Variants in ALK observed in about 807,000 individuals in gnomAD.
ALK encodes ALK receptor tyrosine kinase, also known as ALK tyrosine kinase receptor.
Under a neutral mutation model 163.1 loss-of-function variants are expected in ALK, and 74 were observed. That is an observed-to-expected ratio of 0.45 (90% CI 0.38 to 0.55). The LOEUF is 0.55. Ranked by LOEUF, ALK falls within the 20% of genes least tolerant of loss-of-function variation. ALK has a pLI of 0.00. For synonymous variants in ALK, 960 were observed against 843.2 expected, an observed-to-expected ratio of 1.14 and a Z score of -2.40; for missense variants, 2,063 against 2,105.3, an observed-to-expected ratio of 0.98 and a Z score of 0.39.
At chr2:29,603,288 G>A (rs1675430513) in intron 3 of ALK, among the ~76,000 whole-genome samples, 1 of 152,112 alleles carries the variant, frequency 6.6e-6, no homozygotes, top group African/African-American at 2.4e-5. Context: ...CAGGGAAGGG[G>A]ATTCTCTACC....
chr2:29,203,835 T>C (rs1669247708), intron 26 of ALK, among the ~76,000 whole-genome samples: 1 of 152,064 alleles, frequency 6.6e-6, no homozygotes, highest in Non-Finnish European at 1.5e-5. Flanking sequence ...AATTCTTTCA[T>C]TCTGGAAATT....
chr2:29,364,328 T>C (rs974797753), intron 5 of ALK, among the ~76,000 whole-genome samples: 3 of 151,992 alleles, frequency 2.0e-5, no homozygotes, highest in Admixed American at 6.6e-5. Context: ...GTATGGTGAG[T>C]TGCTATGGTG....
chr2:29,586,382 G>A (rs536750542), intron 3 of ALK, among the ~76,000 whole-genome samples: 18 of 151,872 alleles, frequency 1.2e-4, no homozygotes, highest in African/African-American at 2.2e-4. Flanking sequence ...TAATCATCTC[G>A]ACAGATTTGT....
intron 15 of ALK, among the ~76,000 whole-genome samples, chr2:29,230,384 C>A: frequency 6.6e-6 from 1 of 151,260 alleles, no homozygotes; most frequent in Admixed American, 6.6e-5. Flanking sequence ...ATTCTAAAAA[C>A]CCTAAAACCC....
intron 1 of ALK, among the ~76,000 whole-genome samples, chr2:29,914,102 G>C (rs1480638050): frequency 6.6e-6 from 1 of 152,160 alleles, no homozygotes; most frequent in African/African-American, 2.4e-5. Flanking sequence ...ACTGGATTGC[G>C]AATATGCTGG....
intron 5 of ALK, among the ~76,000 whole-genome samples, chr2:29,379,793 A>G (rs1668850111): frequency 6.6e-6 from 1 of 152,238 alleles, no homozygotes; most frequent in Admixed American, 6.5e-5. Flanking sequence ...CCAAAATTCA[A>G]GTCTGCGTAT....
intron 1 of ALK, among the ~76,000 whole-genome samples, chr2:29,895,986 T>G (rs534259885): frequency 1.3e-5 from 2 of 152,286 alleles, no homozygotes; most frequent in African/African-American, 4.8e-5. Flanking sequence ...GCTCTCTCCA[T>G]CCTGAAGTAA....
At chr2:29,209,956 C>A in intron 24 of ALK, 78 bp from the exon 25 acceptor site, 1 of 1,160,424 alleles carries the variant, frequency 8.6e-7, no homozygotes, top group Non-Finnish European at 1.3e-6. Flanking sequence ...AGGATTTTAT[C>A]TCCAAGCTGA....
chr2:29,861,952 C>T (rs1017920685), intron 1 of ALK, among the ~76,000 whole-genome samples: 8 of 152,028 alleles, frequency 5.3e-5, no homozygotes, highest in Non-Finnish European at 1.0e-4. Context: ...ATTAATCCCT[C>T]GGATGCAAGG....
In ALK at chr2:29,776,225, T is replaced by TAAA. The variant is rs58918857; in HGVS notation, c.668-58531_668-58529dup. Among the ~76,000 whole-genome samples, 173 of 131,156 alleles carry TAAA rather than the reference T, an allele frequency of 1.3e-3. 1 individual carries two copies. Among genetic ancestry groups the TAAA allele is most frequent in the African/African-American group, 4.8e-3 (162 of 33,574 alleles). The allele number at this position is 131,156 out of a possible 152,430, so 86.0% of individuals were successfully genotyped here. ...CTAAGAAAATGCAATGGAATTTTGT[T>TAAA]AAAAAAAAAAAAAAAAAAAAAAAAA... On this transcript the variant is annotated intron_variant, in intron 1 of 28. Transcript: ENST00000389048.
At chr2:29,672,169 C>CT (rs577253254) in intron 3 of ALK, among the ~76,000 whole-genome samples, 1,387 of 123,822 alleles carry the variant, frequency 0.011, 17 homozygotes, top group South Asian at 0.058. Context: ...GTGGCTTCTG[C>CT]TTTTTTTTTT....
chr2:29,297,194 C>T (rs1666214137), intron 8 of ALK, 137 bp from the exon 9 acceptor site: 4 of 860,056 alleles, frequency 4.7e-6, no homozygotes, highest in Non-Finnish European at 7.6e-6. Context: ...GGATGCCCAC[C>T]ACCTGTCTCA....
chr2:29,712,595 T>G (rs1313205565), intron 2 of ALK, among the ~76,000 whole-genome samples: 1 of 151,674 alleles, frequency 6.6e-6, no homozygotes, highest in East Asian at 1.9e-4. Context: ...GTGTTTTCCA[T>G]TTTTGATTCT....
Position 29,214,346 on chromosome 2 carries a change from G to A in ALK, c.3646-265C>T, listed in dbSNP as rs115940763. On this transcript the variant is annotated intron_variant, in intron 23 of 28. Coordinates refer to ENST00000389048, the MANE Select transcript of ALK (RefSeq NM_004304.5). ...AGGTAATATGATGCCAGCGTGCAGC[G>A]AAGGCTCGGAACACCCAGACTCCGG... Among the ~76,000 whole-genome samples the A allele has an allele frequency of 3.9e-3, 587 of 152,280 alleles. 8 individuals carry two copies. The highest frequency in any genetic ancestry group is 0.013 in the African/African-American group (538 of 41,554).
At position 29,354,344 on chromosome 2, in the gene ALK, T is replaced by C. The variant is rs892139312; in HGVS notation, c.1283-25863A>G. On this transcript the variant is annotated intron_variant, in intron 5 of 28. Coordinates refer to ENST00000389048, the MANE Select transcript of ALK (RefSeq NM_004304.5). The stretch of plus-strand genomic sequence containing the variant: ...GCTGGCCAACAACCTAAGATGCATG[T>C]GGCCTTGCTCAAAAGCCAGATCTGG... 3.3e-5 allele frequency among the ~76,000 whole-genome samples: 5 copies of C among 152,184 alleles called. No individual in the cohort carries two copies. The East Asian group carries it at 9.6e-4, about 29-fold the overall frequency.
At chr2:29,341,319 C>A (rs1490700765) in intron 5 of ALK, among the ~76,000 whole-genome samples, 2 of 152,134 alleles carry the variant, frequency 1.3e-5, no homozygotes. Flanking sequence ...ATGATGGCTG[C>A]CCACTCATAC....
intron 20 of ALK, 90 bp from the exon 21 acceptor site, chr2:29,222,697 G>C (rs2148169703): frequency 1.8e-6 from 2 of 1,130,178 alleles, no homozygotes; most frequent in Non-Finnish European, 2.6e-6. Context: ...GTCACATTTA[G>C]TGGACAAACA....
At chr2:29,819,716 T>G (rs1298085750) in intron 1 of ALK, among the ~76,000 whole-genome samples, 1 of 152,258 alleles carries the variant, frequency 6.6e-6, no homozygotes, top group African/African-American at 2.4e-5. Context: ...TTTTTTTGTT[T>G]GTTTTTGTTC....
At chr2:29,861,743 A>G (rs191349377) in intron 1 of ALK, among the ~76,000 whole-genome samples, 43 of 152,340 alleles carry the variant, frequency 2.8e-4, no homozygotes, top group Admixed American at 2.2e-3. Context: ...ACTCTTCCAA[A>G]TAAATTGAAG....
Sources: allele counts gnomAD v4.1 joint callset (sites outside exome capture counted in the v4.1 genomes callset), GRCh38; gene constraint gnomAD v4.1.1; transcripts MANE v1.5; gene names NCBI Gene and HGNC (gene_info 2026-07-23, HGNC 2026-07-21).